The following SLC9A9 variants were observed in gnomAD, a reference collection of about 807,000 sequenced individuals.
SLC9A9 encodes the protein sodium/hydrogen exchanger 9.
In SLC9A9, 62 loss-of-function variants were observed where a neutral mutation model predicts 77.8. The ratio of observed to expected loss-of-function variants is 0.80; its 90% CI spans 0.65 to 0.98. SLC9A9 has a LOEUF of 0.98. SLC9A9 is among the 50% of genes least tolerant of loss of function. The pLI is 0.00. For missense variants in SLC9A9, 775 were observed against 774.9 expected (o/e 1.00, Z 0.00); for synonymous variants, 320 against 283.5 (o/e 1.13, Z -1.29).
At chr3:143,308,833 C>T (rs1037152506) in intron 14 of SLC9A9, among the ~76,000 whole-genome samples, 1 of 152,110 alleles carries the variant, frequency 6.6e-6, no homozygotes, top group African/African-American at 2.4e-5. Flanking sequence ...GGCCTGGCTT[C>T]CCCTGGCTTG....
intron 2 of SLC9A9, among the ~76,000 whole-genome samples, chr3:143,812,534 A>G (rs1347234073): frequency 6.6e-6 from 1 of 152,256 alleles, no homozygotes; most frequent in African/African-American, 2.4e-5. Context: ...CTATGGCCTC[A>G]CAACACCCAT....
chr3:143,327,579 C>A (rs2031642698), intron 14 of SLC9A9, among the ~76,000 whole-genome samples: 1 of 152,156 alleles, frequency 6.6e-6, no homozygotes, highest in Non-Finnish European at 1.5e-5. Flanking sequence ...GCATTTTCCT[C>A]TACCCACTCC....
rs192765264 is a variant in SLC9A9 at position 143,845,817 on chromosome 3, T to C, written c.175+2331A>G. Among the ~76,000 whole-genome samples the C allele has an allele frequency of 9.2e-4, 140 of 152,360 alleles. 2 individuals carry two copies. Among genetic ancestry groups the C allele is most frequent in the Admixed American group, 8.4e-3 (128 of 15,306 alleles). ...TCAAAATTTCTAGTAAGAGAATACA[T>C]ATATATGCATATCTCCATAATTTTT... On this transcript the variant is annotated intron_variant, in intron 1 of 15. Transcript: ENST00000316549.
chr3:143,829,965 G>T (rs1182983245), intron 2 of SLC9A9, among the ~76,000 whole-genome samples: 1 of 152,166 alleles, frequency 6.6e-6, no homozygotes, highest in South Asian at 2.1e-4. Context: ...ACTCAAAGAA[G>T]GGGGATGGAA....
intron 6 of SLC9A9, among the ~76,000 whole-genome samples, chr3:143,634,438 C>T (rs2038480353): frequency 6.6e-6 from 1 of 152,126 alleles, no homozygotes; most frequent in African/African-American, 2.4e-5. Context: ...ATGTATTTAA[C>T]AATATTTTCA....
intron 12 of SLC9A9, among the ~76,000 whole-genome samples, chr3:143,464,274 A>G (rs1437024387): frequency 6.6e-6 from 1 of 152,204 alleles, no homozygotes; most frequent in Non-Finnish European, 1.5e-5. Context: ...TAAACAAGCA[A>G]AGCCTTGCTA....
chr3:143,833,553 A>C (rs1254104213), intron 1 of SLC9A9, among the ~76,000 whole-genome samples: 1 of 152,192 alleles, frequency 6.6e-6, no homozygotes, highest in Non-Finnish European at 1.5e-5. Flanking sequence ...GTTGGGATCC[A>C]GTTTGCACAT....
At chr3:143,363,452 G>T in intron 14 of SLC9A9, 32 bp downstream of exon 14, 1 of 1,591,244 alleles carries the variant, frequency 6.3e-7, no homozygotes, top group Non-Finnish European at 8.6e-7. Context: ...GCCTGCAGCA[G>T]GATCTGTGAG....
chr3:143,542,397 T>C (rs1285265686), intron 9 of SLC9A9, among the ~76,000 whole-genome samples: 2 of 152,210 alleles, frequency 1.3e-5, no homozygotes, highest in African/African-American at 4.8e-5. Context: ...AAGATATCTT[T>C]GATCTTCTCG....
At chr3:143,493,106 C>T (rs1177603828) in intron 11 of SLC9A9, among the ~76,000 whole-genome samples, 1 of 152,144 alleles carries the variant, frequency 6.6e-6, no homozygotes, top group African/African-American at 2.4e-5. Context: ...CAATCAGTGC[C>T]CAGAACTCAT....
chr3:143,285,388 T>C (rs1030379078), intron 14 of SLC9A9, among the ~76,000 whole-genome samples: 1 of 152,140 alleles, frequency 6.6e-6, no homozygotes, highest in African/African-American at 2.4e-5. Context: ...TCCTAGGAGA[T>C]AGTTTTATCA....
intron 4 of SLC9A9, among the ~76,000 whole-genome samples, chr3:143,713,794 G>C (rs1054636471): frequency 9.9e-5 from 15 of 152,150 alleles, no homozygotes; most frequent in African/African-American, 3.6e-4. Flanking sequence ...TAACTTTTAA[G>C]GTGATTTCAA....
chr3:143,761,496 G>T (rs568952944), intron 4 of SLC9A9, among the ~76,000 whole-genome samples: 1 of 151,896 alleles, frequency 6.6e-6, no homozygotes, highest in Non-Finnish European at 1.5e-5. Flanking sequence ...AAATTTACCA[G>T]AAAAAAACAA....
At chr3:143,317,331 T>TCGG (rs1221541958) in intron 14 of SLC9A9, among the ~76,000 whole-genome samples, 1 of 151,858 alleles carries the variant, frequency 6.6e-6, no homozygotes, top group East Asian at 1.9e-4. Context: ...GAGGAGCTAC[T>TCGG]GCTCCTGCAC....
At chr3:143,484,759 G>A (rs964780342) in intron 11 of SLC9A9, among the ~76,000 whole-genome samples, 1 of 152,184 alleles carries the variant, frequency 6.6e-6, no homozygotes, top group Non-Finnish European at 1.5e-5. Context: ...TAGATGAGAA[G>A]TTTCTAAGTT....
intron 6 of SLC9A9, among the ~76,000 whole-genome samples, chr3:143,649,914 G>A (rs371318171): frequency 1.3e-5 from 2 of 151,578 alleles, no homozygotes; most frequent in East Asian, 1.9e-4. Flanking sequence ...ATTTTCATTT[G>A]TTCTTCTAAG....
chr3:143,393,259 C>T (rs977689257), intron 12 of SLC9A9, among the ~76,000 whole-genome samples: 6 of 152,154 alleles, frequency 3.9e-5, no homozygotes, highest in Admixed American at 3.9e-4. Flanking sequence ...TCAGTTTGAC[C>T]ACAGTGCAAT....
In SLC9A9 at chr3:143,802,689, C is replaced by A. The variant is rs1252438411; in HGVS notation, c.379-5786G>T. On this transcript the variant is annotated intron_variant, in intron 2 of 15. Transcript: ENST00000316549. ...TCAGGCTCTTGGTATTCAGTGGAAC[C>A]TTCAAATCCCTTACCATCCTCAATC... is the stretch of plus-strand genomic sequence containing the variant. Among the ~76,000 whole-genome samples, 3 of 152,120 alleles carry A rather than the reference C, an allele frequency of 2.0e-5. No homozygotes were observed. In the East Asian group the frequency reaches 5.8e-4, roughly 29 times the overall value.
chr3:143,539,423 T>C (rs2036647634), intron 9 of SLC9A9, among the ~76,000 whole-genome samples: 1 of 152,350 alleles, frequency 6.6e-6, no homozygotes, highest in East Asian at 1.9e-4. Flanking sequence ...TCAAGATTAT[T>C]AAGGAAATGG....
Sources: gnomAD v4.1 joint callset for allele counts (sites outside exome capture counted in the v4.1 genomes callset) on GRCh38, gnomAD v4.1.1 for gene constraint, MANE v1.5 for transcripts, NCBI Gene and HGNC (gene_info 2026-07-23, HGNC 2026-07-21) for gene names.